The following FLVCR2 variants were observed in gnomAD, a reference collection of about 807,000 sequenced individuals.
The protein encoded by FLVCR2 is choline/ethanolamine transporter FLVCR2.
In FLVCR2, 38 loss-of-function variants were observed where a neutral mutation model predicts 48.9. The ratio of observed to expected loss-of-function variants is 0.78; its 90% CI spans 0.60 to 1.02. The LOEUF (loss-of-function observed/expected upper bound fraction) is 1.02, where lower values mean the gene tolerates loss of function less well. FLVCR2 is among the 50% of genes least tolerant of loss of function. FLVCR2 has a pLI of 0.00. For synonymous variants in FLVCR2, 255 were observed against 257.0 expected (o/e 0.99, Z 0.07); for missense variants, 664 against 663.3 (o/e 1.00, Z -0.01).
chr14:75,635,590 C>T (rs1890147707), intron 5 of FLVCR2, among the ~76,000 whole-genome samples: 1 of 152,184 alleles, frequency 6.6e-6, no homozygotes, highest in South Asian at 2.1e-4. Flanking sequence ...TCAGGCTGGG[C>T]GCAGTGACTC....
chr14:75,611,735 CACAAACAA>C (rs575486820), intron 1 of FLVCR2, among the ~76,000 whole-genome samples: 4 of 151,976 alleles, frequency 2.6e-5, no homozygotes, highest in East Asian at 1.9e-4. Context: ...GACCCTGTCT[CACAAACAA>C]ACAAACAAAC....
At chr14:75,625,366 G>T (rs1175542359) in intron 3 of FLVCR2, among the ~76,000 whole-genome samples, 1 of 151,836 alleles carries the variant, frequency 6.6e-6, no homozygotes, top group African/African-American at 2.4e-5. Flanking sequence ...AAGATAAATT[G>T]GAATCTTTAT....
At chr14:75,598,358 C>A (rs1889076875) in intron 1 of FLVCR2, among the ~76,000 whole-genome samples, 2 of 152,186 alleles carry the variant, frequency 1.3e-5, no homozygotes, top group South Asian at 2.1e-4. Context: ...TGCTCCACAT[C>A]TTTTGGGTTC....
chr14:75,645,276 T>C (rs1890396419), intron 9 of FLVCR2, among the ~76,000 whole-genome samples: 1 of 152,216 alleles, frequency 6.6e-6, no homozygotes, highest in Admixed American at 6.5e-5. Flanking sequence ...CCACTTGACA[T>C]TGGCTTCTGT....
intron 2 of FLVCR2, among the ~76,000 whole-genome samples, chr14:75,623,786 C>T (rs1889821107): frequency 6.6e-6 from 1 of 152,120 alleles, no homozygotes; most frequent in Non-Finnish European, 1.5e-5. Context: ...TGTGGTGGCT[C>T]ATTCCTGTAA....
rs1034991331 is a variant in FLVCR2 at position 75,628,599 on chromosome 14, C to T, written c.952+3847C>T. On this transcript the variant is annotated intron_variant, in intron 3 of 9. Transcript: ENST00000238667. The stretch of plus-strand genomic sequence containing the variant: ...GAATTAAGCAGGCAACAGCATTTCA[C>T]AGGCACATGTACTGGACATGGGTGG... Among the ~76,000 whole-genome samples the T allele has an allele frequency of 2.0e-5, 3 of 152,190 alleles. No individual in the cohort carries two copies. In the East Asian group the frequency reaches 5.8e-4, roughly 29 times the overall value.
chr14:75,584,990 G>A (rs975523546), intron 1 of FLVCR2, among the ~76,000 whole-genome samples: 1 of 152,132 alleles, frequency 6.6e-6, no homozygotes, highest in African/African-American at 2.4e-5. Flanking sequence ...AACGAAAACT[G>A]TAAACCAGAC....
chr14:75,598,440 A>AT (rs920117356), intron 1 of FLVCR2, among the ~76,000 whole-genome samples: 4 of 150,698 alleles, frequency 2.7e-5, no homozygotes, highest in Non-Finnish European at 5.9e-5. Context: ...GGCTTTTTAT[A>AT]TTTTTTTTTC....
intron 3 of FLVCR2, among the ~76,000 whole-genome samples, chr14:75,630,753 G>A (rs1314363576): frequency 6.6e-6 from 1 of 152,214 alleles, no homozygotes; most frequent in Non-Finnish European, 1.5e-5. Flanking sequence ...AATGATGACA[G>A]AGTCCTTTCT....
intron 1 of FLVCR2, among the ~76,000 whole-genome samples, chr14:75,591,547 C>G (rs1393882189): frequency 6.6e-6 from 1 of 152,226 alleles, no homozygotes; most frequent in African/African-American, 2.4e-5. Context: ...GCTGTACTCA[C>G]AGGTTGGAAT....
At chr14:75,621,240 G>A (rs549575032) in intron 1 of FLVCR2, among the ~76,000 whole-genome samples, 128 of 152,008 alleles carry the variant, frequency 8.4e-4, no homozygotes, top group African/African-American at 3.0e-3. Flanking sequence ...GGTGAAACCC[G>A]TCTCTACTAA....
At position 75,629,397 on chromosome 14, in the gene FLVCR2, A is replaced by G. The variant is rs1433326852; in HGVS notation, c.953-4232A>G. Among the ~76,000 whole-genome samples the G allele has an allele frequency of 2.0e-5, 3 of 152,316 alleles. No individual in the cohort carries two copies. In the East Asian group the frequency reaches 5.8e-4, roughly 29 times the overall value. On this transcript the variant is annotated intron_variant, in intron 3 of 9. Coordinates refer to ENST00000238667, the MANE Select transcript of FLVCR2 (RefSeq NM_017791.3). ...GTGCTTGATGTTGCGGAAATATCAT[A>G]TCAGTAAGAAACTGCCAGTAAAACA...
intron 1 of FLVCR2, among the ~76,000 whole-genome samples, chr14:75,594,326 T>C (rs1268196293): frequency 6.6e-6 from 1 of 152,212 alleles, no homozygotes; most frequent in African/African-American, 2.4e-5. Flanking sequence ...CCCTTAATAC[T>C]CCATTCATGG....
chr14:75,614,384 C>T (rs1889553940), intron 1 of FLVCR2, among the ~76,000 whole-genome samples: 3 of 152,156 alleles, frequency 2.0e-5, no homozygotes, highest in African/African-American at 4.8e-5. Context: ...GAGTAAGCGC[C>T]AGACTAGCAA....
intron 3 of FLVCR2, among the ~76,000 whole-genome samples, chr14:75,628,122 ATT>A (rs11307470): frequency 1.3e-5 from 2 of 149,690 alleles, no homozygotes; most frequent in Non-Finnish European, 3.0e-5. Context: ...AACAAAAACA[ATT>A]TTTTTTTTTA....
At chr14:75,628,005 A>G (rs918771649) in intron 3 of FLVCR2, among the ~76,000 whole-genome samples, 2 of 152,264 alleles carry the variant, frequency 1.3e-5, no homozygotes, top group African/African-American at 2.4e-5. Context: ...CTGAGGCTCT[A>G]GAGTTTTAGC....
In FLVCR2 at chr14:75,646,613, C is replaced by T. The variant is rs773588157; in HGVS notation, c.*141C>T. The T allele has an allele frequency of 1.7e-5, 12 of 706,088 alleles. No individual in the cohort carries two copies. Among genetic ancestry groups the T allele is most frequent in the Non-Finnish European group, 2.6e-5 (10 of 381,092 alleles). 43.7% of individuals were successfully genotyped at this position (706,088 alleles called of 1,614,324 possible). A position where few individuals can be genotyped will look rare whatever the true frequency, so the allele number is the denominator to read the frequency against. On this transcript the variant is annotated 3_prime_UTR_variant, in exon 10 of 10. Coordinates refer to ENST00000238667, the MANE Select transcript of FLVCR2 (RefSeq NM_017791.3). The stretch of plus-strand genomic sequence containing the variant: ...CTATTTGTGGCATGGATGGCCTATT[C>T]CTCCTAGAACCCACGTAAGAGCTTG...
At chr14:75,601,880 A>G (rs1219853617) in intron 1 of FLVCR2, among the ~76,000 whole-genome samples, 1 of 152,204 alleles carries the variant, frequency 6.6e-6, no homozygotes, top group Admixed American at 6.5e-5. Context: ...GTTATATACA[A>G]TGAAATATAT....
chr14:75,633,576 T>C (rs1890096295), intron 3 of FLVCR2, 53 bp from the exon 4 acceptor site: 2 of 1,416,126 alleles, frequency 1.4e-6, no homozygotes, highest in African/African-American at 1.4e-5. Context: ...AAGTTAGCAA[T>C]GGCCCCAGAA....
Sources: gnomAD v4.1 joint callset for allele counts (sites outside exome capture counted in the v4.1 genomes callset) on GRCh38, gnomAD v4.1.1 for gene constraint, MANE v1.5 for transcripts, NCBI Gene and HGNC (gene_info 2026-07-23, HGNC 2026-07-21) for gene names.